The following DOCK11 variants were observed in gnomAD, a reference collection of about 807,000 sequenced individuals.
DOCK11 encodes the protein dedicator of cytokinesis protein 11.
A neutral mutation model predicts 169.1 loss-of-function variants in DOCK11; 70 were observed. The observed-to-expected ratio is 0.41, with a 90% confidence interval of 0.34 to 0.51. The LOEUF (loss-of-function observed/expected upper bound fraction) is 0.51. Among genes scored for constraint, DOCK11 ranks in the 20% least tolerant of loss-of-function variants. The pLI, the probability that DOCK11 is intolerant of heterozygous loss-of-function variation, is 0.10. For missense variants in DOCK11, 1,166 were observed against 1,538.8 expected (o/e 0.76, Z 4.05); for synonymous variants, 529 against 541.3 (o/e 0.98, Z 0.32).
intron 49 of DOCK11, 116 bp from the exon 50 acceptor site, chrX:118,680,942 G>A: frequency 2.8e-6 from 2 of 724,770 alleles, no homozygotes; most frequent in South Asian, 6.4e-5. Context: ...GGGACCCTAA[G>A]TCATCTTCTA....
chrX:118,615,082 G>A (rs1275514451), intron 29 of DOCK11, among the ~76,000 whole-genome samples: 2 of 111,942 alleles, frequency 1.8e-5, no homozygotes, highest in African/African-American at 3.2e-5. Context: ...AATGGGGTGG[G>A]TAGCAATCCA....
intron 6 of DOCK11, among the ~76,000 whole-genome samples, chrX:118,551,196 G>A (rs1257549707): frequency 8.9e-6 from 1 of 112,081 alleles, no homozygotes; most frequent in Non-Finnish European, 1.9e-5. Context: ...AGCAGATCTG[G>A]TTATTAACCA....
intron 40 of DOCK11, among the ~76,000 whole-genome samples, chrX:118,647,705 A>AATAATTAATATAAT (rs2015743851): frequency 5.7e-5 from 3 of 52,973 alleles, no homozygotes; most frequent in African/African-American, 2.3e-4. Flanking sequence ...TATAATATAT[A>AATAATTAATATAAT]ATAATATAAT....
chrX:118,503,133 C>A (rs1038474389), intron 1 of DOCK11, among the ~76,000 whole-genome samples: 4 of 100,353 alleles, frequency 4.0e-5, no homozygotes, highest in Non-Finnish European at 7.9e-5. Flanking sequence ...GATCTTGGCT[C>A]ACTGCAACCT....
intron 1 of DOCK11, among the ~76,000 whole-genome samples, chrX:118,505,573 G>A (rs1401416834): frequency 8.9e-6 from 1 of 112,238 alleles, no homozygotes; most frequent in Non-Finnish European, 1.9e-5. Flanking sequence ...CCACATGGCT[G>A]ATCCAAGAAT....
At chrX:118,627,240 CAA>C (rs2015129487) in intron 32 of DOCK11, among the ~76,000 whole-genome samples, 1 of 110,338 alleles carries the variant, frequency 9.1e-6, no homozygotes, top group African/African-American at 3.3e-5. Context: ...AAAACGAAAA[CAA>C]AAAAGACTGT....
intron 45 of DOCK11, among the ~76,000 whole-genome samples, chrX:118,669,397 G>C (rs1278801679): frequency 3.6e-5 from 4 of 111,947 alleles, no homozygotes; most frequent in Admixed American, 2.8e-4. Flanking sequence ...ATAAACAACA[G>C]AAATGTATTT....
At position 118,675,990 on chromosome X, in the gene DOCK11, G is replaced by A; in HGVS notation, c.5254G>A (p.Val1752Ile). The A allele has an allele frequency of 3.3e-6, 4 of 1,202,345 alleles. No individual in the cohort carries two copies. Among genetic ancestry groups the A allele is most frequent in the Admixed American group, 2.3e-5 (1 of 43,827 alleles). Residue 1752 changes from valine (V) to isoleucine (I), a missense_variant, in exon 47 of 53, where the codon GTT (valine) becomes ATT (isoleucine). Physicochemically the swap from Val to Ile is conservative, Grantham distance 29 (BLOSUM62 3). Transcript: ENST00000276202. ...TGGAGCTTACACAAAAATTCTGGAA[G>A]TTATGCATACAAAAAAGAGACTTTT... The part of the protein sequence containing the change: ...LHGAYTKILE[V>I]MHTKKRLLGT...
intron 1 of DOCK11, among the ~76,000 whole-genome samples, chrX:118,527,809 G>A (rs904917110): frequency 9.0e-6 from 1 of 111,731 alleles, no homozygotes; most frequent in African/African-American, 3.3e-5. Flanking sequence ...TTGAGATTCT[G>A]GGAAGCTGTG....
intron 44 of DOCK11, among the ~76,000 whole-genome samples, chrX:118,656,273 A>G (rs2016066900): frequency 9.1e-6 from 1 of 110,386 alleles, no homozygotes; most frequent in Non-Finnish European, 1.9e-5. Flanking sequence ...AAAATAATAA[A>G]TAAATAAATA....
chrX:118,649,212 T>G, intron 41 of DOCK11, 85 bp downstream of exon 41: 1 of 785,614 alleles, frequency 1.3e-6, no homozygotes, highest in Non-Finnish European at 1.8e-6. Flanking sequence ...CCCAATCCAG[T>G]CCAATACAAT....
chrX:118,582,281 T>C (rs1603087632), intron 14 of DOCK11, among the ~76,000 whole-genome samples: 1 of 111,685 alleles, frequency 9.0e-6, no homozygotes, highest in East Asian at 2.8e-4. Context: ...AAAATATAAA[T>C]TATTTTCCAA....
chrX:118,518,513 A>G lies in DOCK11; in HGVS notation c.102+22440A>G, dbSNP rs1603027181. 2.7e-5 allele frequency among the ~76,000 whole-genome samples: 3 copies of G among 112,079 alleles called. No individual in the cohort carries two copies. In the South Asian group the frequency reaches 1.1e-3, roughly 42 times the overall value. On this transcript the variant is annotated intron_variant, in intron 1 of 52. Transcript: ENST00000276202. Reference sequence around the variant, plus strand: ...TCCTTGAGCCCAGGAGTTCAAGTCCAGCCTGGGCGACATAGTGAGACCCCC... The same window carrying G: ...TCCTTGAGCCCAGGAGTTCAAGTCCGGCCTGGGCGACATAGTGAGACCCCC...
chrX:118,588,385 A>T, intron 17 of DOCK11, 28 bp from the exon 18 acceptor site: 1 of 1,163,496 alleles, frequency 8.6e-7, no homozygotes, highest in Middle Eastern at 2.4e-4. Context: ...TAATTGTGTG[A>T]CTCATTTTGA....
At chrX:118,566,333 T>C in intron 8 of DOCK11, 151 bp downstream of exon 8, 1 of 587,106 alleles carries the variant, frequency 1.7e-6, no homozygotes, top group Non-Finnish European at 2.6e-6. Flanking sequence ...GATAGACTTT[T>C]TTTAAACAGT....
chrX:118,616,468 A>G (rs1282226269), intron 30 of DOCK11, among the ~76,000 whole-genome samples: 1 of 111,356 alleles, frequency 9.0e-6, no homozygotes, highest in Non-Finnish European at 1.9e-5. Flanking sequence ...TTCCCTCAAA[A>G]CACAAGTTCC....
chrX:118,556,754 C>T (rs1187678099), intron 6 of DOCK11, among the ~76,000 whole-genome samples: 1 of 83,556 alleles, frequency 1.2e-5, no homozygotes, highest in African/African-American at 4.0e-5. Flanking sequence ...GTGGCTCTGT[C>T]TCCGGAAAAA....
chrX:118,663,231 G>A (rs1458160367), intron 45 of DOCK11, among the ~76,000 whole-genome samples: 2 of 112,484 alleles, frequency 1.8e-5, no homozygotes, highest in Non-Finnish European at 3.8e-5. Context: ...TAACAGCAAG[G>A]CCTTGGACTT....
At chrX:118,610,153 G>T (rs1312030721) in intron 27 of DOCK11, 119 bp from the exon 28 acceptor site, 1 of 711,888 alleles carries the variant, frequency 1.4e-6, no homozygotes, top group East Asian at 3.3e-5. Flanking sequence ...TAAGTTGGGA[G>T]AACAATTATA....
Sources: gnomAD v4.1 joint callset for allele counts (sites outside exome capture counted in the v4.1 genomes callset) on GRCh38, gnomAD v4.1.1 for gene constraint, MANE v1.5 for transcripts, NCBI Gene and HGNC (gene_info 2026-07-23, HGNC 2026-07-21) for gene names.